Variants in TRIM27 observed in about 807,000 individuals in gnomAD.
TRIM27 encodes the protein tripartite motif containing 27, also known as zinc finger protein RFP.
A neutral mutation model predicts 57.6 loss-of-function variants in TRIM27; 12 were observed. That is an observed-to-expected ratio of 0.21 (90% CI 0.13 to 0.34). The LOEUF (loss-of-function observed/expected upper bound fraction) is 0.34. Among genes scored for constraint, TRIM27 ranks in the 10% least tolerant of loss-of-function variants. The pLI, the probability that TRIM27 is intolerant of heterozygous loss-of-function variation, is 1.00. For missense variants in TRIM27, 403 were observed against 656.8 expected, an observed-to-expected ratio of 0.61 and a Z score of 4.22; for synonymous variants, 266 against 259.0, an observed-to-expected ratio of 1.03 and a Z score of -0.26.
At chr6:28,923,150 C>A in intron 1 of TRIM27, 63 bp downstream of exon 1, 1 of 1,461,210 alleles carries the variant, frequency 6.8e-7, no homozygotes, top group Non-Finnish European at 9.1e-7. Flanking sequence ...AAAGGAAGCC[C>A]CTTTGGCTCT....
chr6:28,903,837 G>A lies in TRIM27; in HGVS notation c.*233C>T. On this transcript the variant is annotated 3_prime_UTR_variant, in exon 8 of 8. Coordinates refer to ENST00000377199, the MANE Select transcript of TRIM27 (RefSeq NM_006510.5). ...GTAAAACCAGAAAGTATGAAACACT[G>A]GAGGTGGACATCTGGTTTTTATTTC... 1 of 565,898 alleles carries A rather than the reference G, an allele frequency of 1.8e-6. No individual in the cohort carries two copies. The highest frequency in any genetic ancestry group is 2.5e-5 in the South Asian group (1 of 39,658). The allele number at this position is 565,898 out of a possible 1,614,324, so 35.1% of individuals were successfully genotyped here.
chr6:28,906,925 C>T (rs1176903987), intron 7 of TRIM27: 10 of 291,162 alleles, frequency 3.4e-5, no homozygotes, highest in East Asian at 6.3e-5. Context: ...TGAAGCTGGG[C>T]GGGCAGAGCA....
At chr6:28,908,607 A>G (rs995417859) in intron 6 of TRIM27, 15 of 556,612 alleles carry the variant, frequency 2.7e-5, no homozygotes, top group Middle Eastern at 9.5e-4. Flanking sequence ...CTGCGAATTG[A>G]CTAAATACAG....
Position 28,923,425 on chromosome 6 carries a change from G to A in TRIM27, c.208C>T (p.His70Tyr). 1 of 1,612,138 alleles carries A rather than the reference G, an allele frequency of 6.2e-7. No homozygotes were observed. Among genetic ancestry groups the A allele is most frequent in the Non-Finnish European group, 8.5e-7 (1 of 1,179,400 alleles). The part of the protein sequence containing the change: ...FPQRHMRPNR[H>Y]LANVTQLVKQ... ...ACCAGTTGGGTCACGTTGGCCAGGT[G>A]CCGGTTGGGCCGCATGTGCCTCTGC... is the stretch of plus-strand genomic sequence containing the variant. Residue 70 changes from histidine to tyrosine, a missense_variant, in exon 1 of 8, where the codon CAC (histidine) becomes TAC (tyrosine). By Grantham distance (83) the His-to-Tyr change is moderately conservative. Coordinates refer to ENST00000377199, the MANE Select transcript of TRIM27 (RefSeq NM_006510.5).
Position 28,903,767 on chromosome 6 carries a change from T to G in TRIM27, c.*303A>C. ...AAGCTGGAAGTATCTTGAACGGCTC[T>G]CCAAATCCAAAGATTATCCATACTC... On this transcript the variant is annotated 3_prime_UTR_variant, in exon 8 of 8. Transcript: ENST00000377199. 2.3e-5 allele frequency: 9 copies of G among 398,916 alleles called. No homozygotes were observed. The highest frequency in any genetic ancestry group is 1.2e-4 in the South Asian group (2 of 16,402). The allele number at this position is 398,916 out of a possible 1,614,324, so 24.7% of individuals were successfully genotyped here.
At chr6:28,908,523 C>A in intron 6 of TRIM27, 2 of 420,646 alleles carry the variant, frequency 4.8e-6, no homozygotes, top group South Asian at 4.8e-5. Flanking sequence ...TCATTCTTTC[C>A]GAAGTAAACA....
In TRIM27 at chr6:28,903,972, A is replaced by G; in HGVS notation, c.*98T>C. The G allele has an allele frequency of 1.1e-6, 1 of 941,938 alleles. No individual in the cohort carries two copies. The highest frequency in any genetic ancestry group is 2.2e-5 in the Admixed American group (1 of 45,332). 58.3% of individuals were successfully genotyped at this position (941,938 alleles called of 1,614,324 possible). A position where few individuals can be genotyped will look rare whatever the true frequency, so the allele number is the denominator to read the frequency against. On this transcript the variant is annotated 3_prime_UTR_variant, in exon 8 of 8. Coordinates refer to ENST00000377199, the MANE Select transcript of TRIM27 (RefSeq NM_006510.5). ...CACTGCAAGGGCGTGGAACATGGTAAGGATACCCAGCTGTGACAGGACGTG... is the reference window on the plus strand; with the variant it reads ...CACTGCAAGGGCGTGGAACATGGTAGGGATACCCAGCTGTGACAGGACGTG...
In TRIM27 at chr6:28,903,969, G is replaced by T. The variant is rs1046739528; in HGVS notation, c.*101C>A. 1 of 922,950 alleles carries T rather than the reference G, an allele frequency of 1.1e-6. No individual in the cohort carries two copies. The highest frequency in any genetic ancestry group is 1.7e-6 in the Non-Finnish European group (1 of 588,170). The allele number at this position is 922,950 out of a possible 1,614,324, so 57.2% of individuals were successfully genotyped here. On this transcript the variant is annotated 3_prime_UTR_variant, in exon 8 of 8. Coordinates refer to ENST00000377199, the MANE Select transcript of TRIM27 (RefSeq NM_006510.5). ...TCCCACTGCAAGGGCGTGGAACATG[G>T]TAAGGATACCCAGCTGTGACAGGAC... is the stretch of plus-strand genomic sequence containing the variant.
At chr6:28,914,815 TTGAA>T (rs1235659145) in intron 3 of TRIM27, 1 of 152,210 alleles carries the variant, frequency 6.6e-6, no homozygotes, top group South Asian at 2.1e-4. Flanking sequence ...TCAGGAATCT[TTGAA>T]TGTTTTATAA....
In TRIM27 at chr6:28,920,240, G is replaced by A. The variant is rs770691823; in HGVS notation, c.519C>T (p.Ser173=). ...QGEQARAELL[S]LTQMEREKIV... ...TCTTCTCCCTCTCCATCTGGGTTAG[G>A]CTCTATGCAGACGACAGGGAAAGGC... The change falls in exon 3 of 8, where the codon AGC becomes AGT. Residue 173 remains serine, a splice_region_variant and synonymous_variant. Coordinates refer to ENST00000377199, the MANE Select transcript of TRIM27 (RefSeq NM_006510.5). 4 of 1,596,762 alleles carry A rather than the reference G, an allele frequency of 2.5e-6. No homozygotes were observed. The highest frequency in any genetic ancestry group is 2.2e-5 in the East Asian group (1 of 44,620).
chr6:28,907,170 ATAG>A, intron 7 of TRIM27, 63 bp downstream of exon 7: 1 of 1,428,732 alleles, frequency 7.0e-7, no homozygotes, highest in South Asian at 1.2e-5. Context: ...ATCATTCATA[ATAG>A]TAGTTAGGTT....
chr6:28,911,339 G>GAA (rs9256951), intron 4 of TRIM27: 68,307 of 188,662 alleles, frequency 0.36, 13,318 homozygotes, highest in African/African-American at 0.58. Context: ...CCCCATTACA[G>GAA]AAAAAAAAAA....
intron 1 of TRIM27, 133 bp downstream of exon 1, chr6:28,923,080 A>T: frequency 1.9e-6 from 2 of 1,077,296 alleles, no homozygotes; most frequent in Non-Finnish European, 2.6e-6. Flanking sequence ...TCTGGAGCGG[A>T]CAGAGAGGAA....
At position 28,903,342 on chromosome 6, in the gene TRIM27, G is replaced by A; in HGVS notation, c.*728C>T. The A allele has an allele frequency of 4.3e-6, 1 of 233,182 alleles. No homozygotes were observed. The highest frequency in any genetic ancestry group is 8.5e-6 in the Non-Finnish European group (1 of 118,054). The allele number at this position is 233,182 out of a possible 1,614,324, so 14.4% of individuals were successfully genotyped here. ...ATCTAGTAACAGAGGATGGAGTTGG[G>A]CAGAATATTATCCTGGATGATATGC... On this transcript the variant is annotated 3_prime_UTR_variant, in exon 8 of 8. Coordinates refer to ENST00000377199, the MANE Select transcript of TRIM27 (RefSeq NM_006510.5).
At chr6:28,918,911 G>T (rs1052171989) in intron 3 of TRIM27, among the ~76,000 whole-genome samples, 4 of 151,932 alleles carry the variant, frequency 2.6e-5, no homozygotes, top group African/African-American at 7.2e-5. Context: ...AAATTAAAAT[G>T]TAAAAACCAT....
chr6:28,918,921 T>C (rs1270551672), intron 3 of TRIM27, among the ~76,000 whole-genome samples: 1 of 151,914 alleles, frequency 6.6e-6, no homozygotes, highest in Non-Finnish European at 1.5e-5. Flanking sequence ...GTAAAAACCA[T>C]ACTTATTGCC....
rs71550103 is a variant in TRIM27, at chr6:28,914,581, T to TC, written c.748-2864_748-2863insG. 8.3e-3 allele frequency among the ~76,000 whole-genome samples: 325 copies of TC among 38,952 alleles called. 4 individuals carry two copies. Among genetic ancestry groups the TC allele is most frequent in the African/African-American group, 0.026 (291 of 11,070 alleles). 25.6% of individuals were successfully genotyped at this position (38,952 alleles called of 152,430 possible). A position where few individuals can be genotyped will look rare whatever the true frequency, so the allele number is the denominator to read the frequency against. Reference sequence around the variant, plus strand: ...GGTATTTTTATTGAAATTGCAAGGGTGGGGGGGGGGGGATGAGGGATAACA... The same window carrying TC: ...GGTATTTTTATTGAAATTGCAAGGGTCGGGGGGGGGGGGATGAGGGATAACA... On this transcript the variant is annotated intron_variant, in intron 3 of 7. Transcript: ENST00000377199.
At chr6:28,917,830 CTTT>C (rs1002129970) in intron 3 of TRIM27, among the ~76,000 whole-genome samples, 2 of 141,466 alleles carry the variant, frequency 1.4e-5, no homozygotes. Context: ...TTCTTCCTTT[CTTT>C]TTTTTTTTTT....
intron 4 of TRIM27, among the ~76,000 whole-genome samples, chr6:28,910,138 A>AAAAC (rs1773085567): frequency 1.3e-5 from 2 of 151,386 alleles, no homozygotes; most frequent in African/African-American, 4.9e-5. Flanking sequence ...AAAAAAAAAA[A>AAAAC]AAAAAACGAA....
Sources: gnomAD v4.1 joint callset for allele counts (sites outside exome capture counted in the v4.1 genomes callset) on GRCh38, gnomAD v4.1.1 for gene constraint, MANE v1.5 for transcripts, NCBI Gene and HGNC (gene_info 2026-07-23, HGNC 2026-07-21) for gene names.